Variants in ESRRG observed in about 807,000 individuals in gnomAD.
ESRRG encodes the protein estrogen-related receptor gamma.
In ESRRG, 13 loss-of-function variants were observed where a neutral mutation model predicts 44.0. That is an observed-to-expected ratio of 0.30 (90% confidence interval 0.19 to 0.47). ESRRG has a LOEUF of 0.47. Among genes scored for constraint, ESRRG ranks in the 20% least tolerant of loss-of-function variants. The pLI, the probability that ESRRG is intolerant of heterozygous loss-of-function variation, is 1.00. For synonymous variants in ESRRG, 215 were observed against 214.6 expected, an observed-to-expected ratio of 1.00 and a Z score of -0.02; for missense variants, 395 against 580.6, an observed-to-expected ratio of 0.68 and a Z score of 3.29.
rs146339032 is a variant in ESRRG, at chr1:216,938,717, C to A, written c.-14+865G>T. Among the ~76,000 whole-genome samples the A allele has an allele frequency of 1.2e-4, 19 of 152,328 alleles. 1 individual carries two copies. The East Asian group carries it at 3.5e-3, about 28-fold the overall frequency. On this transcript the variant is annotated intron_variant, in intron 2 of 7. Coordinates refer to the ESRRG transcript ENST00000359162. ...GCACAGGGATTCCTGTGCACCTACT[C>A]TGCACTGGCCTCTGCAGCAGGAACT...
chr1:216,696,012 C>G (rs559580157), intron 1 of ESRRG, among the ~76,000 whole-genome samples: 10 of 152,194 alleles, frequency 6.6e-5, no homozygotes, highest in African/African-American at 2.2e-4. Flanking sequence ...TTGGATGATT[C>G]TCTCTTCTGC....
chr1:216,540,889 A>T (rs2052491202), intron 5 of ESRRG, among the ~76,000 whole-genome samples: 1 of 152,018 alleles, frequency 6.6e-6, no homozygotes, highest in Admixed American at 6.6e-5. Context: ...CTTTAAAAAA[A>T]TCAGAGAATT....
At chr1:217,067,356 C>T (rs893520369) in intron 1 of ESRRG, among the ~76,000 whole-genome samples, 1 of 152,184 alleles carries the variant, frequency 6.6e-6, no homozygotes, top group South Asian at 2.1e-4. Context: ...GTACAAACAA[C>T]ACTAAGGTAA....
chr1:216,530,599 A>C (rs1368565845), intron 5 of ESRRG, among the ~76,000 whole-genome samples: 4 of 152,138 alleles, frequency 2.6e-5, no homozygotes, highest in Non-Finnish European at 2.9e-5. Context: ...CATTGTGAGA[A>C]CCTGGGTCAT....
At chr1:216,652,997 C>G (rs1327752654) in intron 2 of ESRRG, among the ~76,000 whole-genome samples, 8 of 152,078 alleles carry the variant, frequency 5.3e-5, no homozygotes, top group Non-Finnish European at 1.2e-4. Context: ...GTTTACCAAA[C>G]AGCATTCTTT....
At chr1:216,761,481 A>G (rs978133287) in intron 2 of ESRRG, among the ~76,000 whole-genome samples, 7 of 152,120 alleles carry the variant, frequency 4.6e-5, no homozygotes, top group African/African-American at 1.7e-4. Context: ...CCATAATTTC[A>G]TTGTCACCAG....
At chr1:216,833,181 A>G (rs1192775879) in intron 2 of ESRRG, among the ~76,000 whole-genome samples, 3 of 152,004 alleles carry the variant, frequency 2.0e-5, no homozygotes, top group East Asian at 3.9e-4. Flanking sequence ...GAAATTACCT[A>G]TGGATTGACC....
chr1:217,066,987 G>T (rs1276501902), intron 1 of ESRRG, among the ~76,000 whole-genome samples: 1 of 152,198 alleles, frequency 6.6e-6, no homozygotes, highest in Non-Finnish European at 1.5e-5. Context: ...CATTTTACTA[G>T]AAGTAAACTG....
intron 2 of ESRRG, among the ~76,000 whole-genome samples, chr1:216,740,484 C>G (rs2090528943): frequency 6.6e-6 from 1 of 152,052 alleles, no homozygotes; most frequent in African/African-American, 2.4e-5. Flanking sequence ...GAGCACAACA[C>G]AAGCTTCCCA....
intron 1 of ESRRG, among the ~76,000 whole-genome samples, chr1:217,002,725 C>T (rs1469421682): frequency 6.6e-6 from 1 of 152,026 alleles, no homozygotes; most frequent in Non-Finnish European, 1.5e-5. Context: ...AGCCATTGTG[C>T]CATAAGGAGA....
chr1:217,090,313 G>A (rs1302567145), upstream of ESRRG: 3 of 152,128 alleles, frequency 2.0e-5, no homozygotes, highest in African/African-American at 7.2e-5. Context: ...AACGTGGGGG[G>A]AGGGGAAGGA....
chr1:217,101,246 G>T (rs949907170), intron 1 of ESRRG, among the ~76,000 whole-genome samples: 5 of 152,134 alleles, frequency 3.3e-5, no homozygotes, highest in Non-Finnish European at 5.9e-5. Flanking sequence ...ACCTAATCAG[G>T]TAACCTAAGG....
At chr1:216,970,243 T>A (rs1406788481) in intron 1 of ESRRG, among the ~76,000 whole-genome samples, 1 of 152,204 alleles carries the variant, frequency 6.6e-6, no homozygotes, top group Non-Finnish European at 1.5e-5. Context: ...AATGCATCAC[T>A]AAAAATCTAA....
At chr1:217,006,777 CA>C (rs2077802760) in intron 1 of ESRRG, among the ~76,000 whole-genome samples, 1 of 151,988 alleles carries the variant, frequency 6.6e-6, no homozygotes, top group Non-Finnish European at 1.5e-5. Flanking sequence ...TACATGAGGT[CA>C]GGTGTAAATT....
In ESRRG at chr1:216,809,160, G is replaced by A. The variant is rs573822248; in HGVS notation, c.-14+130422C>T. On this transcript the variant is annotated intron_variant, in intron 2 of 7. Transcript: ENST00000359162. ...ATCTTTTTGCCAATGTTAGTGATAA[G>A]TCAAGAAGCCTTAGAAAGGACAATT... Among the ~76,000 whole-genome samples, 7 of 152,164 alleles carry A rather than the reference G, an allele frequency of 4.6e-5. No individual in the cohort carries two copies. The East Asian group carries it at 1.4e-3, about 30-fold the overall frequency.
At position 216,952,155 on chromosome 1, in the gene ESRRG, C is replaced by T. The variant is rs78731651; in HGVS notation, c.-105-12482G>A. On this transcript the variant is annotated intron_variant, in intron 1 of 7. Transcript: ENST00000359162. ...TGGTCTTTGAGTGGCAAATTATATA[C>T]CACAACCCGAAAACTTTCAAATGCT... Among the ~76,000 whole-genome samples the T allele has an allele frequency of 8.0e-3, 1,225 of 152,216 alleles. 8 individuals carry two copies. Among genetic ancestry groups the T allele is most frequent in the South Asian group, 0.022 (104 of 4,824 alleles).
chr1:216,949,527 G>C (rs1399606821), intron 1 of ESRRG, among the ~76,000 whole-genome samples: 1 of 152,056 alleles, frequency 6.6e-6, no homozygotes, highest in Non-Finnish European at 1.5e-5. Flanking sequence ...GATTAATAAT[G>C]TACATCATAG....
At chr1:216,833,321 G>A (rs1047185858) in intron 2 of ESRRG, among the ~76,000 whole-genome samples, 4 of 152,166 alleles carry the variant, frequency 2.6e-5, no homozygotes, top group African/African-American at 7.2e-5. Flanking sequence ...GTAAGGTGAG[G>A]AAATCAATTT....
intron 1 of ESRRG, among the ~76,000 whole-genome samples, chr1:217,001,914 C>T (rs1044156188): frequency 1.4e-4 from 22 of 152,116 alleles, no homozygotes; most frequent in Admixed American, 1.3e-3. Context: ...GAATTGATAG[C>T]TTAAGCCAGT....
Sources: gnomAD v4.1 joint callset for allele counts (sites outside exome capture counted in the v4.1 genomes callset) on GRCh38, gnomAD v4.1.1 for gene constraint, MANE v1.5 for transcripts, NCBI Gene and HGNC (gene_info 2026-07-23, HGNC 2026-07-21) for gene names.